The following TAF1 variants were observed in gnomAD, a reference collection of about 807,000 sequenced individuals.
TAF1 encodes transcription initiation factor TFIID subunit 1.
A neutral mutation model predicts 138.5 loss-of-function variants in TAF1; 2 were observed. The ratio of observed to expected loss-of-function variants is 0.01; its 90% CI spans 0.01 to 0.05. TAF1 has a LOEUF of 0.05. Ranked by LOEUF, TAF1 falls within the 10% of genes least tolerant of loss-of-function variation. TAF1 has a pLI of 1.00. For synonymous variants in TAF1, 437 were observed against 503.2 expected (o/e 0.87, Z 1.76); for missense variants, 709 against 1,478.0 (o/e 0.48, Z 8.53).
At chrX:71,455,101 G>A in intron 34 of TAF1, 1 of 1,101,643 alleles carries the variant, frequency 9.1e-7, no homozygotes, top group South Asian at 2.0e-5. Flanking sequence ...AGTTGTTTAG[G>A]CAGTGTTTGG....
In TAF1 at chrX:71,454,025, C is replaced by T. The variant is rs1422916522; in HGVS notation, c.4754-145C>T. On this transcript the variant is annotated intron_variant, in intron 32 of 37. Transcript: ENST00000423759. Reference sequence around the variant, plus strand: ...TATTGCATATGTTTGGAATTTTCTGCCTCTGAAAGTAGAACAAGAGTCCAA... The same window carrying T: ...TATTGCATATGTTTGGAATTTTCTGTCTCTGAAAGTAGAACAAGAGTCCAA... 9 of 453,791 alleles carry T rather than the reference C, an allele frequency of 2.0e-5. No individual in the cohort carries two copies. The East Asian group carries it at 3.1e-4, about 15-fold the overall frequency. 37.4% of individuals were successfully genotyped at this position (453,791 alleles called of 1,213,427 possible).
chrX:71,503,280 ATATATATATATATATGTG>A (rs1351769498), intron 13 of TAF1, among the ~76,000 whole-genome samples: 2 of 86,574 alleles, frequency 2.3e-5, no homozygotes, highest in Non-Finnish European at 4.1e-5. Context: ...AAAAAAAAAT[ATATATATATATATATGTG>A]TATATATATA....
At chrX:71,442,543 T>C (rs1412598910) in intron 32 of TAF1, among the ~76,000 whole-genome samples, 2 of 112,375 alleles carry the variant, frequency 1.8e-5, no homozygotes, top group African/African-American at 6.5e-5. Flanking sequence ...GTAAGTTTTT[T>C]GTAGATTCTG....
rs747520310 is a variant in TAF1 at position 71,396,172 on chromosome X, T to G, written c.3407-1081T>G. Among the ~76,000 whole-genome samples the G allele has an allele frequency of 1.4e-3, 152 of 109,371 alleles. 1 individual carries two copies. Among genetic ancestry groups the G allele is most frequent in the South Asian group, 8.7e-3 (22 of 2,517 alleles). The allele number at this position is 109,371 out of a possible 115,157, so 95.0% of individuals were successfully genotyped here. A position where few individuals can be genotyped will look rare whatever the true frequency, so the allele number is the denominator to read the frequency against. ...TCAAAAAAAAAAAAAATAACCTACA[T>G]TTGAACAAGATCCTCAGGTGATTCC... is the stretch of plus-strand genomic sequence containing the variant. On this transcript the variant is annotated intron_variant, in intron 22 of 37. Transcript: ENST00000423759.
In TAF1 at chrX:71,407,214, AT is replaced by A. The variant is rs1192482805; in HGVS notation, c.4108-339del. ...TACAGTGAGCCACCGTGCTCGGCAG[AT>A]TTTTTTTTTTTTTTTTTTTTGAGAC... is the stretch of plus-strand genomic sequence containing the variant. On this transcript the variant is annotated intron_variant, in intron 26 of 37. Transcript: ENST00000423759. Among the ~76,000 whole-genome samples, 144 of 80,921 alleles carry A rather than the reference AT, an allele frequency of 1.8e-3. 1 individual carries two copies. The highest frequency in any genetic ancestry group is 1.4e-3 in the Admixed American group (10 of 7,004). 70.3% of individuals were successfully genotyped at this position (80,921 alleles called of 115,157 possible).
chrX:71,370,692 G>A (rs1030830564), intron 3 of TAF1, among the ~76,000 whole-genome samples: 2 of 111,353 alleles, frequency 1.8e-5, no homozygotes, highest in African/African-American at 6.5e-5. Context: ...TTTATTCATC[G>A]TCCACCTCTT....
chrX:71,454,270 G>C, intron 33 of TAF1, 33 bp downstream of exon 33: 2 of 1,145,672 alleles, frequency 1.7e-6, no homozygotes, highest in Non-Finnish European at 2.4e-6. Flanking sequence ...CTAAGCCTGG[G>C]CAACATAAGG....
intron 9 of TAF1, among the ~76,000 whole-genome samples, chrX:71,382,244 T>C (rs1438378061): frequency 9.0e-6 from 1 of 111,701 alleles, no homozygotes; most frequent in African/African-American, 3.3e-5. Flanking sequence ...GTGTATTCCC[T>C]AGGGAAAACT....
At position 71,464,403 on chromosome X, in the gene TAF1, TG is replaced by T. The variant is rs1241702361; in HGVS notation, c.*358del. On this transcript the variant is annotated 3_prime_UTR_variant, in exon 38 of 38. Coordinates refer to ENST00000423759, the MANE Select transcript of TAF1 (RefSeq NM_004606.5). ...AAGAACTAGTAACTTTATGTCCTCT[TG>T]ATGTATTAGGAAATTTCCGGCCAGG... 38 of 347,831 alleles carry T rather than the reference TG, an allele frequency of 1.1e-4. No individual in the cohort carries two copies. In the East Asian group the frequency reaches 1.7e-3, roughly 15 times the overall value. The allele number at this position is 347,831 out of a possible 1,213,427, so 28.7% of individuals were successfully genotyped here. A position where few individuals can be genotyped will look rare whatever the true frequency, so the allele number is the denominator to read the frequency against.
intron 32 of TAF1, among the ~76,000 whole-genome samples, chrX:71,432,680 A>C (rs778059228): frequency 1.8e-5 from 2 of 111,387 alleles, no homozygotes; most frequent in Non-Finnish European, 3.8e-5. Flanking sequence ...AAATTATTGA[A>C]GTTCGGGCAT....
At chrX:71,451,370 A>G (rs2037951941) in intron 32 of TAF1, among the ~76,000 whole-genome samples, 1 of 112,347 alleles carries the variant, frequency 8.9e-6, no homozygotes, top group Non-Finnish European at 1.9e-5. Flanking sequence ...AAGAGTGTTT[A>G]TAAAGTAATT....
intron 32 of TAF1, among the ~76,000 whole-genome samples, chrX:71,442,553 G>T (rs1238891490): frequency 8.9e-6 from 1 of 111,872 alleles, no homozygotes; most frequent in Non-Finnish European, 1.9e-5. Flanking sequence ...TGTAGATTCT[G>T]GATATTAGCT....
chrX:71,519,530 C>T lies in TAF1; in HGVS notation c.1367-9012C>T, dbSNP rs761797425. 2.8e-5 allele frequency among the ~76,000 whole-genome samples: 3 copies of T among 106,156 alleles called. No individual in the cohort carries two copies. The East Asian group carries it at 9.2e-4, about 33-fold the overall frequency. 92.2% of individuals were successfully genotyped at this position (106,156 alleles called of 115,157 possible). A position where few individuals can be genotyped will look rare whatever the true frequency, so the allele number is the denominator to read the frequency against. On this transcript the variant is annotated intron_variant and NMD_transcript_variant, in intron 13 of 14. Coordinates refer to the TAF1 transcript ENST00000373775. ...TGGTGGCGGGCGCCTGTAGTCCCAG[C>T]TACTCGGGAGGCTGAGGCAGGAGAA...
In TAF1 at chrX:71,499,812, C is replaced by A. The variant is rs983288443; in HGVS notation, c.1367-28730C>A. Among the ~76,000 whole-genome samples, 45 of 111,747 alleles carry A rather than the reference C, an allele frequency of 4.0e-4. 1 individual carries two copies. Among genetic ancestry groups the A allele is most frequent in the Non-Finnish European group, 8.1e-4 (43 of 53,164 alleles). ...CTCGGGCTGCAGCTAAAGCCACATT[C>A]TTTTCATTAAAGGCCAGGGTTTGAT... On this transcript the variant is annotated intron_variant and NMD_transcript_variant, in intron 13 of 14. Coordinates refer to the TAF1 transcript ENST00000373775.
At chrX:71,442,525 T>C (rs1384287539) in intron 32 of TAF1, among the ~76,000 whole-genome samples, 1 of 112,338 alleles carries the variant, frequency 8.9e-6, no homozygotes, top group Non-Finnish European at 1.9e-5. Flanking sequence ...TGATTTTTTC[T>C]TGTAAATGTA....
rs1397811196 is a variant in TAF1, at chrX:71,383,020, G to T, written c.1803G>T (p.Gln601His). 4 of 1,209,330 alleles carry T rather than the reference G, an allele frequency of 3.3e-6. No homozygotes were observed. In the Admixed American group the frequency reaches 8.8e-5, roughly 27 times the overall value. Residue 601 changes from glutamine (Q) to histidine (H), a missense_variant, in exon 12 of 38, where the codon CAG becomes CAT. By Grantham distance (24) the Gln-to-His change is conservative. This residue lies in a region of TAF1 where 201 missense variants were observed against 421.3 expected (regional missense o/e 0.48). Coordinates refer to ENST00000423759, the MANE Select transcript of TAF1 (RefSeq NM_004606.5). ...CAATTCCTGCTGTGGAATTACGGCA[G>T]CCCTTCTTTCCCACCCACATGGGGC... ...QHSIPAVELRQPFFPTHMGPI... is the reference protein window; with the variant it reads ...QHSIPAVELRHPFFPTHMGPI...
rs868258337 is a variant in TAF1 at position 71,524,678 on chromosome X, C to T, written c.1367-3864C>T. 8.3e-5 allele frequency among the ~76,000 whole-genome samples: 9 copies of T among 108,721 alleles called. No individual in the cohort carries two copies. In the East Asian group the frequency reaches 8.8e-4, roughly 11 times the overall value. 94.4% of individuals were successfully genotyped at this position (108,721 alleles called of 115,157 possible). A position where few individuals can be genotyped will look rare whatever the true frequency, so the allele number is the denominator to read the frequency against. ...AAAAAAATGGCTGGGTGTGGTGGCT[C>T]ACGCCTGTAATCCCAGCACTTTGGG... On this transcript the variant is annotated intron_variant and NMD_transcript_variant, in intron 13 of 14. Coordinates refer to the TAF1 transcript ENST00000373775.
chrX:71,509,337 G>A (rs1387617642), intron 13 of TAF1, among the ~76,000 whole-genome samples: 2 of 111,434 alleles, frequency 1.8e-5, no homozygotes, highest in Non-Finnish European at 3.8e-5. Flanking sequence ...AGTGGTAATT[G>A]TGATAAAAAG....
chrX:71,494,916 C>T (rs780588367), intron 13 of TAF1, among the ~76,000 whole-genome samples: 2 of 112,231 alleles, frequency 1.8e-5, no homozygotes, highest in East Asian at 5.6e-4. Flanking sequence ...GCTGATTGGT[C>T]CATTTTACAG....
Sources: allele counts gnomAD v4.1 joint callset (sites outside exome capture counted in the v4.1 genomes callset), GRCh38; gene constraint gnomAD v4.1.1; regional missense constraint gnomAD v4.1.1; transcripts MANE v1.5; gene names NCBI Gene and HGNC (gene_info 2026-07-23, HGNC 2026-07-21).